CSGALNACT1: variants seen among roughly 807,000 people sequenced by gnomAD.
CSGALNACT1 encodes beta4GalNAcT-1.
In CSGALNACT1, 52 loss-of-function variants were observed where a neutral mutation model predicts 51.0. The ratio of observed to expected loss-of-function variants is 1.02; its 90% confidence interval spans 0.82 to 1.29. The LOEUF (loss-of-function observed/expected upper bound fraction) is 1.29. Ranked by LOEUF, CSGALNACT1 falls within the 50% of genes most tolerant of loss-of-function variation. The pLI is 0.00. For missense variants in CSGALNACT1, 935 were observed against 679.2 expected (o/e 1.38, Z -4.19); for synonymous variants, 341 against 254.4 (o/e 1.34, Z -3.24).
chr8:19,706,995 C>G (rs1326929308), intron 1 of CSGALNACT1, among the ~76,000 whole-genome samples: 1 of 151,980 alleles, frequency 6.6e-6, no homozygotes, highest in African/African-American at 2.4e-5. Context: ...ATAAGGGAAG[C>G]TGGTAACACT....
intron 3 of CSGALNACT1, among the ~76,000 whole-genome samples, chr8:19,538,707 G>A (rs2084362910): frequency 6.6e-6 from 1 of 152,134 alleles, no homozygotes; most frequent in Admixed American, 6.5e-5. Context: ...GGCAAGACAA[G>A]CTGGAGATGG....
At chr8:19,556,307 C>G (rs28615194) in intron 3 of CSGALNACT1, among the ~76,000 whole-genome samples, 49,113 of 151,070 alleles carry the variant, frequency 0.33, 8,711 homozygotes, top group African/African-American at 0.49. Flanking sequence ...ACCTAGGAGG[C>G]AGAGGTTGCA....
At chr8:19,600,063 T>G (rs1019346936) in intron 2 of CSGALNACT1, among the ~76,000 whole-genome samples, 1 of 151,990 alleles carries the variant, frequency 6.6e-6, no homozygotes, top group African/African-American at 2.4e-5. Context: ...TCTTGGTCAA[T>G]TGCTGCTCAC....
At chr8:19,507,528 GAAAAAAAAAAAAA>G (rs35759799) in intron 3 of CSGALNACT1, among the ~76,000 whole-genome samples, 1 of 74,890 alleles carries the variant, frequency 1.3e-5, no homozygotes, top group Non-Finnish European at 2.4e-5. Flanking sequence ...ATCTTAGCCA[GAAAAAAAAAAAAA>G]AAAAAAAAAA....
intron 4 of CSGALNACT1, among the ~76,000 whole-genome samples, chr8:19,465,314 T>A (rs2066423019): frequency 6.6e-6 from 1 of 151,570 alleles, no homozygotes; most frequent in Admixed American, 6.6e-5. Context: ...AGAGACAGAG[T>A]GTAGAATAGA....
rs34859554 is a variant in CSGALNACT1 at position 19,590,640 on chromosome 8, C to CTTTTTTTTTTTTTTTTTTTT, written c.-297+500_-297+519dup. The stretch of plus-strand genomic sequence containing the variant: ...TACTCATAGCTGGTGGACCTAACTA[C>CTTTTTTTTTTTTTTTTTTTT]TTTTTTTTTTTTTTTTTTTTTTTTT... On this transcript the variant is annotated intron_variant, in intron 3 of 9. Coordinates refer to ENST00000454498, the Ensembl canonical transcript of CSGALNACT1. Among the ~76,000 whole-genome samples the CTTTTTTTTTTTTTTTTTTTT allele has an allele frequency of 4.3e-5, 3 of 68,982 alleles. 1 individual carries two copies. Among genetic ancestry groups the CTTTTTTTTTTTTTTTTTTTT allele is most frequent in the African/African-American group, 1.6e-4 (3 of 18,186 alleles). The allele number at this position is 68,982 out of a possible 152,430, so 45.3% of individuals were successfully genotyped here. A position where few individuals can be genotyped will look rare whatever the true frequency, so the allele number is the denominator to read the frequency against.
At chr8:19,528,091 C>G (rs1241469880) in intron 3 of CSGALNACT1, among the ~76,000 whole-genome samples, 1 of 152,080 alleles carries the variant, frequency 6.6e-6, no homozygotes, top group Non-Finnish European at 1.5e-5. Context: ...TTGTTATGAA[C>G]TTGGGGGCTG....
intron 1 of CSGALNACT1, among the ~76,000 whole-genome samples, chr8:19,732,278 C>T (rs1417228589): frequency 1.3e-5 from 2 of 152,154 alleles, no homozygotes; most frequent in East Asian, 1.9e-4. Flanking sequence ...AATTTCCTGA[C>T]ATGCAGAAGT....
At chr8:19,547,125 A>G (rs1291890371) in intron 3 of CSGALNACT1, among the ~76,000 whole-genome samples, 5 of 152,194 alleles carry the variant, frequency 3.3e-5, no homozygotes, top group African/African-American at 1.2e-4. Context: ...AGCAAGAAAA[A>G]AAGGCCAGGA....
At chr8:19,495,801 GC>G (rs1256670513) in intron 4 of CSGALNACT1, among the ~76,000 whole-genome samples, 4 of 152,220 alleles carry the variant, frequency 2.6e-5, no homozygotes, top group Admixed American at 2.6e-4. Context: ...AAAGAGAGAA[GC>G]GGGGGACACT....
At chr8:19,464,525 C>G (rs1404223330) in intron 4 of CSGALNACT1, among the ~76,000 whole-genome samples, 1 of 152,116 alleles carries the variant, frequency 6.6e-6, no homozygotes, top group Non-Finnish European at 1.5e-5. Context: ...GCACATATAA[C>G]TACTGATTCC....
At chr8:19,739,908 A>G (rs2064206476) in intron 1 of CSGALNACT1, among the ~76,000 whole-genome samples, 1 of 152,182 alleles carries the variant, frequency 6.6e-6, no homozygotes, top group Admixed American at 6.5e-5. Flanking sequence ...GGGAAACTTA[A>G]TCCTCACTAG....
chr8:19,684,080 C>A (rs1002324278), upstream of CSGALNACT1, among the ~76,000 whole-genome samples: 1 of 152,068 alleles, frequency 6.6e-6, no homozygotes, highest in South Asian at 2.1e-4. Context: ...GCAGGAGAAT[C>A]GTATGAGCCT....
intron 1 of CSGALNACT1, among the ~76,000 whole-genome samples, chr8:19,701,217 G>A (rs1344067872): frequency 7.0e-6 from 1 of 143,200 alleles, no homozygotes; most frequent in African/African-American, 2.5e-5. Flanking sequence ...GTGCAGTGGG[G>A]TGATCTCCAT....
intron 1 of CSGALNACT1, among the ~76,000 whole-genome samples, chr8:19,657,158 T>C (rs944234362): frequency 4.0e-5 from 6 of 151,162 alleles, no homozygotes; most frequent in Non-Finnish European, 5.9e-5. Flanking sequence ...TAGACACAGC[T>C]GAAGAGACAA....
intron 8 of CSGALNACT1, 124 bp downstream of exon 7, chr8:19,418,532 C>G: frequency 1.3e-6 from 1 of 744,396 alleles, no homozygotes; most frequent in Non-Finnish European, 2.4e-6. Flanking sequence ...ATCTGCCAAA[C>G]GTAAAAACTA....
Position 19,435,260 on chromosome 8 carries a change from C to T in CSGALNACT1, c.953+4570G>A, listed in dbSNP as rs190938799. The stretch of plus-strand genomic sequence containing the variant: ...CTGTAATCCCAGGACTTTGGGAGGC[C>T]GAGGTGGGCGGATCACAAGGTCAAG... On this transcript the variant is annotated intron_variant, in intron 6 of 9. Coordinates refer to ENST00000454498, the Ensembl canonical transcript of CSGALNACT1. 6.2e-3 allele frequency among the ~76,000 whole-genome samples: 946 copies of T among 152,190 alleles called. 9 individuals carry two copies. Among genetic ancestry groups the T allele is most frequent in the African/African-American group, 0.022 (894 of 41,516 alleles).
chr8:19,720,846 C>T (rs1017691730), intron 1 of CSGALNACT1, among the ~76,000 whole-genome samples: 9 of 152,316 alleles, frequency 5.9e-5, no homozygotes, highest in East Asian at 1.9e-4. Flanking sequence ...AACATCACAA[C>T]GAAGCCCCTG....
intron 3 of CSGALNACT1, among the ~76,000 whole-genome samples, chr8:19,528,796 G>C (rs1354246298): frequency 6.6e-6 from 1 of 152,136 alleles, no homozygotes; most frequent in African/African-American, 2.4e-5. Flanking sequence ...GTGCCTAACA[G>C]TCTTTGGCTG....
Sources: allele counts gnomAD v4.1 joint callset (sites outside exome capture counted in the v4.1 genomes callset), GRCh38; gene constraint gnomAD v4.1.1; transcripts MANE v1.5; gene names NCBI Gene and HGNC (gene_info 2026-07-23, HGNC 2026-07-21).